The following ACER3 variants were observed in gnomAD, a reference collection of about 807,000 sequenced individuals.
ACER3 encodes the protein alkCDase 3.
Under a neutral mutation model 48.9 loss-of-function variants are expected in ACER3, and 16 were observed. The observed-to-expected ratio is 0.33, with a 90% CI of 0.22 to 0.50. The LOEUF (loss-of-function observed/expected upper bound fraction) is 0.50, where lower values mean the gene tolerates loss of function less well. ACER3 is among the 20% of genes least tolerant of loss of function. The pLI, the probability that ACER3 is intolerant of heterozygous loss-of-function variation, is 0.98. For missense variants in ACER3, 227 were observed against 326.0 expected, an observed-to-expected ratio of 0.70 and a Z score of 2.34; for synonymous variants, 109 against 107.8, an observed-to-expected ratio of 1.01 and a Z score of -0.07.
At position 77,023,037 on chromosome 11, in the gene ACER3, G is replaced by C; in HGVS notation, c.*2710G>C. 1 of 398,396 alleles carries C rather than the reference G, an allele frequency of 2.5e-6. No homozygotes were observed. The highest frequency in any genetic ancestry group is 4.4e-6 in the Non-Finnish European group (1 of 225,964). 24.7% of individuals were successfully genotyped at this position (398,396 alleles called of 1,614,324 possible). ...TTTCTAAAGAACAGCTAGGTGAAAGGAGGTTAAGCTGATTGTCACTCTGCC... is the reference window on the plus strand; with the variant it reads ...TTTCTAAAGAACAGCTAGGTGAAAGCAGGTTAAGCTGATTGTCACTCTGCC... On this transcript the variant is annotated 3_prime_UTR_variant, in exon 11 of 11. Coordinates refer to ENST00000532485, the MANE Select transcript of ACER3 (RefSeq NM_018367.7).
intron 3 of ACER3, 77 bp downstream of exon 3, chr11:76,959,108 A>G (rs1471973733): frequency 6.2e-7 from 1 of 1,606,212 alleles, no homozygotes; most frequent in Non-Finnish European, 8.5e-7. Flanking sequence ...AGAGCACATA[A>G]CTATGGCTAA....
rs181922955 is a variant in ACER3 at position 76,974,835 on chromosome 11, A to C, written c.268-1454A>C. Reference sequence around the variant, plus strand: ...ATAGCTTAAAAAAAAACTCACCTACATATCCACAATACTCCCAACAAAATC... The same window carrying C: ...ATAGCTTAAAAAAAAACTCACCTACCTATCCACAATACTCCCAACAAAATC... On this transcript the variant is annotated intron_variant, in intron 3 of 10. Coordinates refer to ENST00000532485, the MANE Select transcript of ACER3 (RefSeq NM_018367.7). Among the ~76,000 whole-genome samples the C allele has an allele frequency of 2.8e-3, 428 of 152,318 alleles. 5 individuals carry two copies. The highest frequency in any genetic ancestry group is 2.8e-3 in the Non-Finnish European group (189 of 68,030).
intron 6 of ACER3, among the ~76,000 whole-genome samples, chr11:76,995,761 T>C (rs974522270): frequency 6.6e-6 from 1 of 151,994 alleles, no homozygotes. Flanking sequence ...AAGTATGGGG[T>C]AGGTTGCTCT....
At chr11:77,006,717 C>G (rs1271231897) in intron 7 of ACER3, among the ~76,000 whole-genome samples, 1 of 151,600 alleles carries the variant, frequency 6.6e-6, no homozygotes. Context: ...GAATTGTTTT[C>G]CCCCATAGGT....
At chr11:76,953,198 A>G (rs552129242) in intron 2 of ACER3, among the ~76,000 whole-genome samples, 8 of 152,322 alleles carry the variant, frequency 5.3e-5, no homozygotes, top group African/African-American at 1.7e-4. Context: ...AGCTCCATGT[A>G]TGCCTTGCAA....
chr11:76,986,314 A>C (rs1220139750), intron 5 of ACER3, among the ~76,000 whole-genome samples: 2 of 152,196 alleles, frequency 1.3e-5, no homozygotes, highest in Non-Finnish European at 2.9e-5. Flanking sequence ...GAATTGCATC[A>C]AAAGATAATA....
chr11:76,897,072 C>T (rs1945952729), intron 1 of ACER3, among the ~76,000 whole-genome samples: 1 of 152,178 alleles, frequency 6.6e-6, no homozygotes, highest in East Asian at 1.9e-4. Flanking sequence ...ATTCTCATGA[C>T]TCAGCCACCC....
chr11:76,942,488 T>G (rs2134931602), intron 2 of ACER3, among the ~76,000 whole-genome samples: 1 of 151,994 alleles, frequency 6.6e-6, no homozygotes. Flanking sequence ...ATGTTGATTT[T>G]TGTATTTGCA....
intron 1 of ACER3, among the ~76,000 whole-genome samples, chr11:76,895,259 A>G (rs1045686318): frequency 6.6e-6 from 1 of 152,098 alleles, no homozygotes; most frequent in Non-Finnish European, 1.5e-5. Flanking sequence ...TTTTATTGAT[A>G]TCTCTTCTAT....
chr11:76,909,522 C>T (rs1946316892), intron 1 of ACER3, among the ~76,000 whole-genome samples: 1 of 152,146 alleles, frequency 6.6e-6, no homozygotes, highest in Non-Finnish European at 1.5e-5. Flanking sequence ...TGAAAAAAAG[C>T]TAATCATCAC....
At chr11:76,937,716 A>C (rs1165918460) in intron 2 of ACER3, among the ~76,000 whole-genome samples, 2 of 152,238 alleles carry the variant, frequency 1.3e-5, no homozygotes, top group African/African-American at 4.8e-5. Context: ...GGGTGGATAG[A>C]AATGGTGTGG....
At chr11:77,011,380 G>C (rs1416404228) in intron 7 of ACER3, 1 of 985,532 alleles carries the variant, frequency 1.0e-6, no homozygotes, top group Non-Finnish European at 1.2e-6. Flanking sequence ...GCCATGGTAA[G>C]TAAGTTTAGA....
chr11:76,954,839 G>A (rs1181962118), intron 2 of ACER3, among the ~76,000 whole-genome samples: 3 of 151,718 alleles, frequency 2.0e-5, no homozygotes, highest in African/African-American at 7.3e-5. Flanking sequence ...TGAGCTCAAG[G>A]GATCTACCCA....
At chr11:76,946,362 G>A (rs1168608145) in intron 2 of ACER3, among the ~76,000 whole-genome samples, 1 of 152,176 alleles carries the variant, frequency 6.6e-6, no homozygotes, top group Non-Finnish European at 1.5e-5. Context: ...AGTACGATCT[G>A]CTTGAGTCTC....
intron 2 of ACER3, among the ~76,000 whole-genome samples, chr11:76,927,642 ATGTTCCCCACCC>A (rs1946867374): frequency 6.7e-6 from 1 of 148,778 alleles, no homozygotes; most frequent in South Asian, 2.2e-4. Flanking sequence ...CTGGTGGGTG[ATGTTCCCCACCC>A]TGTGTCCAAG....
intron 7 of ACER3, among the ~76,000 whole-genome samples, chr11:77,000,697 C>T (rs1240331586): frequency 6.6e-6 from 1 of 152,176 alleles, no homozygotes; most frequent in African/African-American, 2.4e-5. Context: ...TGCCTTTGCA[C>T]TTTTGTCAAA....
intron 1 of ACER3, among the ~76,000 whole-genome samples, chr11:76,909,675 G>C (rs1224568288): frequency 1.3e-5 from 2 of 152,166 alleles, no homozygotes; most frequent in East Asian, 3.8e-4. Context: ...GTTGGTGGGA[G>C]TGTAAATTAG....
At chr11:76,911,080 G>A (rs557970962) in intron 1 of ACER3, among the ~76,000 whole-genome samples, 8 of 152,116 alleles carry the variant, frequency 5.3e-5, no homozygotes, top group Non-Finnish European at 1.0e-4. Flanking sequence ...TGGATCTTGC[G>A]CAAGAAAGAA....
chr11:76,985,666 A>T lies in ACER3; in HGVS notation c.344A>T (p.Asn115Ile). 3.2e-6 allele frequency: 5 copies of T among 1,569,926 alleles called. No individual in the cohort carries two copies. Among genetic ancestry groups the T allele is most frequent in the Non-Finnish European group, 4.3e-6 (5 of 1,166,490 alleles). Residue 115 changes from asparagine (N) to isoleucine (I), a missense_variant, in exon 5 of 11, where the codon AAC (asparagine) becomes ATC (isoleucine). Asn to Ile is a moderately radical substitution (Grantham distance 149). Transcript: ENST00000532485. ...AGGTTTGAATGTTTCAAGATCAAGA[A>T]CTCAGTAAACTACCATCTGCTTTTT... Reference protein sequence around the residue: ...YCMFECFKIKNSVNYHLLFTL... With the variant: ...YCMFECFKIKISVNYHLLFTL...
Sources: allele counts gnomAD v4.1 joint callset (sites outside exome capture counted in the v4.1 genomes callset), GRCh38; gene constraint gnomAD v4.1.1; transcripts MANE v1.5; gene names NCBI Gene and HGNC (gene_info 2026-07-23, HGNC 2026-07-21).